Variants in JTB observed in about 807,000 individuals in gnomAD.
The protein encoded by JTB is protein JTB.
A neutral mutation model predicts 22.1 loss-of-function variants in JTB; 10 were observed. The observed-to-expected ratio is 0.45, with a 90% confidence interval of 0.28 to 0.77. JTB has a LOEUF of 0.77. Ranked by LOEUF, JTB falls within the 30% of genes least tolerant of loss-of-function variation. The probability of loss-of-function intolerance (pLI) is 0.13; values close to 1 mark genes in which losing one functional copy is unlikely to be tolerated. For synonymous variants in JTB, 83 were observed against 66.8 expected (o/e 1.24, Z -1.18); for missense variants, 137 against 180.3 (o/e 0.76, Z 1.38).
At chr1:153,975,448 A>G (rs574564023) in intron 4 of JTB, among the ~76,000 whole-genome samples, 1 of 98,298 alleles carries the variant, frequency 1.0e-5, no homozygotes, top group Non-Finnish European at 2.0e-5. Context: ...TTTGACACAC[A>G]GTCTCGCTCC....
At position 153,977,539 on chromosome 1, in the gene JTB, C is replaced by T; in HGVS notation, c.-287G>A. The T allele has an allele frequency of 8.8e-7, 1 of 1,140,492 alleles. No individual in the cohort carries two copies. The highest frequency in any genetic ancestry group is 1.1e-6 in the Non-Finnish European group (1 of 924,746). 70.6% of individuals were successfully genotyped at this position (1,140,492 alleles called of 1,614,324 possible). A position where few individuals can be genotyped will look rare whatever the true frequency, so the allele number is the denominator to read the frequency against. ...CGGGGGCTCGCGGCCCTAGCGCCCG[C>T]TCACCTCCGCTCCCGCCCCCGACGC... On this transcript the variant is annotated 5_prime_UTR_variant, in exon 1 of 5. Transcript: ENST00000271843.
rs760548893 is a variant in JTB at position 153,976,673 on chromosome 1, G to T, written c.204+20C>A. ...GCTTAGATGTTTAAAAAAAAAAAGGGTAGAGAAATAGATACTCACAGCCCG... is the reference window on the plus strand; with the variant it reads ...GCTTAGATGTTTAAAAAAAAAAAGGTTAGAGAAATAGATACTCACAGCCCG... On this transcript the variant is annotated intron_variant, in intron 3 of 4. Transcript: ENST00000271843. 1.3e-6 allele frequency: 2 copies of T among 1,586,174 alleles called. No individual in the cohort carries two copies. Among genetic ancestry groups the T allele is most frequent in the East Asian group, 4.5e-5 (2 of 44,766 alleles).
Position 153,977,060 on chromosome 1 carries a change from A to C in JTB, c.84-47T>G, listed in dbSNP as rs187859627. The C allele has an allele frequency of 5.1e-4, 824 of 1,614,086 alleles. 3 individuals carry two copies. The African/African-American group carries it at 9.7e-3, about 19-fold the overall frequency. ...GGACAAAAGTCAAAACCCAGAAAATAGGGCACCCCCTCCTGCGCTGTCCAT... is the reference window on the plus strand; with the variant it reads ...GGACAAAAGTCAAAACCCAGAAAATCGGGCACCCCCTCCTGCGCTGTCCAT... On this transcript the variant is annotated intron_variant, in intron 1 of 4. Coordinates refer to ENST00000271843, the MANE Select transcript of JTB (RefSeq NM_006694.4).
chr1:153,977,518 G>A lies in JTB; in HGVS notation c.-266C>T. ...GGGCGCTGGAGGAAGGGCCGGCGGG[G>A]GCTCGCGGCCCTAGCGCCCGCTCAC... On this transcript the variant is annotated 5_prime_UTR_variant, in exon 1 of 5. Transcript: ENST00000271843. 8 of 1,183,116 alleles carry A rather than the reference G, an allele frequency of 6.8e-6. No individual in the cohort carries two copies. The highest frequency in any genetic ancestry group is 8.4e-6 in the Non-Finnish European group (8 of 951,242). 73.3% of individuals were successfully genotyped at this position (1,183,116 alleles called of 1,614,324 possible). A position where few individuals can be genotyped will look rare whatever the true frequency, so the allele number is the denominator to read the frequency against.
rs1648704833 is a variant in JTB at position 153,974,385 on chromosome 1, T to C, written c.*294A>G. ...TTGTATCCCAGAAGTTTGAAATAAG[T>C]AGTAGAAGAGGGGGAAAACAAGGGA... On this transcript the variant is annotated 3_prime_UTR_variant, in exon 5 of 5. Coordinates refer to ENST00000271843, the MANE Select transcript of JTB (RefSeq NM_006694.4). The C allele has an allele frequency of 2.4e-6, 1 of 419,490 alleles. No individual in the cohort carries two copies. Among genetic ancestry groups the C allele is most frequent in the East Asian group, 3.6e-5 (1 of 27,954 alleles). 26.0% of individuals were successfully genotyped at this position (419,490 alleles called of 1,614,324 possible).
In JTB at chr1:153,974,428, T is replaced by G. The variant is rs148223664; in HGVS notation, c.*251A>C. On this transcript the variant is annotated 3_prime_UTR_variant, in exon 5 of 5. Coordinates refer to ENST00000271843, the MANE Select transcript of JTB (RefSeq NM_006694.4). ...ACAAGGGAGAAGTGGTGGGGAAGAC[T>G]TGGTAGATTGGGGCCTTAAGTAACC... The G allele has an allele frequency of 7.5e-4, 319 of 423,198 alleles. No homozygotes were observed. The highest frequency in any genetic ancestry group is 5.8e-3 in the African/African-American group (297 of 51,294). The allele number at this position is 423,198 out of a possible 1,614,324, so 26.2% of individuals were successfully genotyped here.
chr1:153,976,711 T>C lies in JTB; in HGVS notation c.186A>G (p.Pro62=), dbSNP rs778831823. Residue 62 remains proline (P), a synonymous_variant, in exon 3 of 5, where the codon CCA becomes CCG. Transcript: ENST00000271843. ...EEFVVAEECS[P]CSNFRAKTTP... is the part of the protein sequence containing the mutation. ...TACTCACAGCCCGGAAATTAGAGCATGGAGAGCACTCTTCTGCTACCACAA... is the reference window on the plus strand; with the variant it reads ...TACTCACAGCCCGGAAATTAGAGCACGGAGAGCACTCTTCTGCTACCACAA... The C allele has an allele frequency of 8.1e-6, 13 of 1,612,602 alleles. No individual in the cohort carries two copies. In the South Asian group the frequency reaches 8.8e-5, roughly 11 times the overall value.
At position 153,976,956 on chromosome 1, in the gene JTB, G is replaced by T. The variant is rs374447826; in HGVS notation, c.121+20C>A. 2 of 1,614,176 alleles carry T rather than the reference G, an allele frequency of 1.2e-6. No individual in the cohort carries two copies. Among genetic ancestry groups the T allele is most frequent in the Non-Finnish European group, 1.7e-6 (2 of 1,180,030 alleles). ...AAAAACAAACGACGGGACGTGTCGG[G>T]TTCCCAGACAATCACCCACCTGACA... is the stretch of plus-strand genomic sequence containing the variant. On this transcript the variant is annotated intron_variant, in intron 2 of 4. Transcript: ENST00000271843.
Position 153,974,579 on chromosome 1 carries a change from A to G in JTB, c.*100T>C. 2.0e-6 allele frequency: 2 copies of G among 985,104 alleles called. No individual in the cohort carries two copies. Among genetic ancestry groups the G allele is most frequent in the East Asian group, 2.4e-5 (1 of 41,332 alleles). 61.0% of individuals were successfully genotyped at this position (985,104 alleles called of 1,614,324 possible). A position where few individuals can be genotyped will look rare whatever the true frequency, so the allele number is the denominator to read the frequency against. ...AAGAAGATGGGGAAAAGGGGATTCCACCACAAGGCTCCAAAGAACCAAGAG... is the reference window on the plus strand; with the variant it reads ...AAGAAGATGGGGAAAAGGGGATTCCGCCACAAGGCTCCAAAGAACCAAGAG... On this transcript the variant is annotated 3_prime_UTR_variant, in exon 5 of 5. Coordinates refer to ENST00000271843, the MANE Select transcript of JTB (RefSeq NM_006694.4).
At chr1:153,975,501 TAAC>T (rs1409930201) in intron 4 of JTB, among the ~76,000 whole-genome samples, 2 of 147,850 alleles carry the variant, frequency 1.4e-5, no homozygotes, top group Non-Finnish European at 3.0e-5. Context: ...TGGCTCACTC[TAAC>T]CTCTGCCTCC....
chr1:153,977,450 T>A lies in JTB; in HGVS notation c.-198A>T. 1 of 1,354,764 alleles carries A rather than the reference T, an allele frequency of 7.4e-7. No homozygotes were observed. The highest frequency in any genetic ancestry group is 9.5e-7 in the Non-Finnish European group (1 of 1,054,884). The allele number at this position is 1,354,764 out of a possible 1,614,324, so 83.9% of individuals were successfully genotyped here. On this transcript the variant is annotated 5_prime_UTR_variant, in exon 1 of 5. Transcript: ENST00000271843. ...TGCCACAGCGAGAAAAATCGATATGTTTTTGCGGGCTAGGGAGGCGAGCGC... is the reference window on the plus strand; with the variant it reads ...TGCCACAGCGAGAAAAATCGATATGATTTTGCGGGCTAGGGAGGCGAGCGC...
At chr1:153,976,807 C>T in intron 2 of JTB, 32 bp from the exon 3 acceptor site, 1 of 1,610,916 alleles carries the variant, frequency 6.2e-7, no homozygotes, top group African/African-American at 1.3e-5. Flanking sequence ...AGCCCCAGGC[C>T]ATTCAGAAAA....
intron 4 of JTB, among the ~76,000 whole-genome samples, chr1:153,975,622 G>A (rs745977334): frequency 7.3e-5 from 11 of 151,062 alleles, no homozygotes; most frequent in South Asian, 4.2e-4. Flanking sequence ...GTTTCACCAC[G>A]TTGGCCAGGC....
chr1:153,976,622 G>A (rs2102184521), intron 3 of JTB, 71 bp downstream of exon 3: 1 of 1,243,026 alleles, frequency 8.0e-7, no homozygotes, highest in Admixed American at 2.0e-5. Context: ...ATAAGACTTG[G>A]ATGTTAAGAT....
chr1:153,977,649 TGGG>T lies in JTB; in HGVS notation c.-400_-398del. 1.0e-6 allele frequency: 1 copy of T among 1,002,716 alleles called. No homozygotes were observed. Among genetic ancestry groups the T allele is most frequent in the Non-Finnish European group, 1.2e-6 (1 of 840,764 alleles). 62.1% of individuals were successfully genotyped at this position (1,002,716 alleles called of 1,614,324 possible). On this transcript the variant is annotated 5_prime_UTR_variant, in exon 1 of 5. Coordinates refer to ENST00000271843, the MANE Select transcript of JTB (RefSeq NM_006694.4). ...CCGGGGGCGTTCGGTCGTCGCCCGC[TGGG>T]GCTTATAGTCTTCCGCGTCGGTGGC... is the stretch of plus-strand genomic sequence containing the variant.
At chr1:153,975,255 G>A (rs1165500992) in intron 4 of JTB, among the ~76,000 whole-genome samples, 1 of 151,416 alleles carries the variant, frequency 6.6e-6, no homozygotes, top group African/African-American at 2.4e-5. Flanking sequence ...CAAGTAGCTG[G>A]GATTACAGGT....
chr1:153,977,577 C>G lies in JTB; in HGVS notation c.-325G>C. Reference sequence around the variant, plus strand: ...CCGCCCCCGACGCAGCCATCTAGCCCCGTGGAGGATCCTCGGGCGCGGGAC... The same window carrying G: ...CCGCCCCCGACGCAGCCATCTAGCCGCGTGGAGGATCCTCGGGCGCGGGAC... On this transcript the variant is annotated 5_prime_UTR_variant, in exon 1 of 5. Coordinates refer to ENST00000271843, the MANE Select transcript of JTB (RefSeq NM_006694.4). 5.7e-6 allele frequency: 6 copies of G among 1,057,682 alleles called. No homozygotes were observed. The highest frequency in any genetic ancestry group is 6.9e-6 in the Non-Finnish European group (6 of 874,714). 65.5% of individuals were successfully genotyped at this position (1,057,682 alleles called of 1,614,324 possible). A position where few individuals can be genotyped will look rare whatever the true frequency, so the allele number is the denominator to read the frequency against.
chr1:153,975,247 A>G (rs1157428420), intron 4 of JTB, among the ~76,000 whole-genome samples: 5 of 150,882 alleles, frequency 3.3e-5, no homozygotes, highest in East Asian at 3.9e-4. Context: ...CAGCCTCCCA[A>G]GTAGCTGGGA....
chr1:153,977,649 T>C lies in JTB; in HGVS notation c.-397A>G, dbSNP rs773718450. 2.4e-3 allele frequency: 2,393 copies of C among 1,002,716 alleles called. 8 individuals are homozygous for C. Among genetic ancestry groups the C allele is most frequent in the Non-Finnish European group, 2.6e-3 (2,179 of 840,764 alleles). 62.1% of individuals were successfully genotyped at this position (1,002,716 alleles called of 1,614,324 possible). ...CCGGGGGCGTTCGGTCGTCGCCCGC[T>C]GGGGCTTATAGTCTTCCGCGTCGGT... On this transcript the variant is annotated 5_prime_UTR_variant, in exon 1 of 5. Coordinates refer to ENST00000271843, the MANE Select transcript of JTB (RefSeq NM_006694.4).
Sources: gnomAD v4.1 joint callset for allele counts (sites outside exome capture counted in the v4.1 genomes callset) on GRCh38, gnomAD v4.1.1 for gene constraint, MANE v1.5 for transcripts, NCBI Gene and HGNC (gene_info 2026-07-23, HGNC 2026-07-21) for gene names.